The following RUNDC3B variants were observed in gnomAD, a reference collection of about 807,000 sequenced individuals.
RUNDC3B encodes the protein RUN domain-containing protein 3B.
Under a neutral mutation model 58.4 loss-of-function variants are expected in RUNDC3B, and 33 were observed. The observed-to-expected ratio is 0.56, with a 90% CI of 0.43 to 0.75. The LOEUF (loss-of-function observed/expected upper bound fraction) is 0.75. Among genes scored for constraint, RUNDC3B ranks in the 30% least tolerant of loss-of-function variants. RUNDC3B has a pLI of 0.00. For synonymous variants in RUNDC3B, 193 were observed against 195.2 expected (o/e 0.99, Z 0.10); for missense variants, 501 against 535.7 (o/e 0.94, Z 0.64).
intron 8 of RUNDC3B, among the ~76,000 whole-genome samples, chr7:87,797,055 T>C (rs988121257): frequency 1.3e-5 from 2 of 152,196 alleles, no homozygotes; most frequent in Non-Finnish European, 2.9e-5. Context: ...AAAAGTAATA[T>C]TAGTTTATGT....
chr7:87,753,925 A>C lies in RUNDC3B; in HGVS notation c.629+12346A>C, dbSNP rs192738144. On this transcript the variant is annotated intron_variant, in intron 6 of 10. Transcript: ENST00000394654. The stretch of plus-strand genomic sequence containing the variant: ...CTGGTATCATGCAGTCAGTAAGAAG[A>C]ATTTACCAAGACAGTTATATGTATA... 1.8e-4 allele frequency among the ~76,000 whole-genome samples: 28 copies of C among 152,306 alleles called. No individual in the cohort carries two copies. In the East Asian group the frequency reaches 5.4e-3, roughly 29 times the overall value.
chr7:87,790,808 A>T (rs1237210148), intron 8 of RUNDC3B, among the ~76,000 whole-genome samples: 3 of 152,104 alleles, frequency 2.0e-5, no homozygotes, highest in African/African-American at 7.2e-5. Context: ...GACAAAAAAA[A>T]TAGAAAAAGA....
intron 4 of RUNDC3B, among the ~76,000 whole-genome samples, chr7:87,736,269 C>A (rs1266114479): frequency 6.6e-6 from 1 of 151,966 alleles, no homozygotes; most frequent in Non-Finnish European, 1.5e-5. Flanking sequence ...CTTCTGACTC[C>A]CACAAAAGGA....
intron 4 of RUNDC3B, among the ~76,000 whole-genome samples, chr7:87,715,122 A>C (rs1830440882): frequency 1.3e-5 from 2 of 148,848 alleles, no homozygotes; most frequent in South Asian, 4.2e-4. Flanking sequence ...CAGCAAATTC[A>C]ATGCAATAAC....
At chr7:87,690,198 AT>A (rs751715727) in intron 2 of RUNDC3B, among the ~76,000 whole-genome samples, 41 of 152,024 alleles carry the variant, frequency 2.7e-4, no homozygotes, top group Non-Finnish European at 5.0e-4. Context: ...AATTTAAAAT[AT>A]TTTTATTACT....
intron 4 of RUNDC3B, among the ~76,000 whole-genome samples, chr7:87,720,889 C>T (rs1402243027): frequency 3.3e-4 from 1 of 3,072 alleles, no homozygotes; most frequent in Admixed American, 2.6e-3. Context: ...CGTGAGCCCT[C>T]GTGTTTGGAC....
At chr7:87,712,464 A>C (rs887481219) in intron 4 of RUNDC3B, among the ~76,000 whole-genome samples, 6 of 152,096 alleles carry the variant, frequency 3.9e-5, no homozygotes, top group East Asian at 1.9e-4. Flanking sequence ...AATCAAAATC[A>C]AGTTTGCATA....
intron 6 of RUNDC3B, among the ~76,000 whole-genome samples, chr7:87,753,795 C>T (rs1833180284): frequency 1.3e-5 from 2 of 152,176 alleles, no homozygotes; most frequent in South Asian, 4.1e-4. Flanking sequence ...ATGCTAGTCT[C>T]CATAGCTGTT....
intron 1 of RUNDC3B, among the ~76,000 whole-genome samples, chr7:87,648,004 G>A (rs1823190435): frequency 6.6e-6 from 1 of 151,846 alleles, no homozygotes. Context: ...CTAACATGGT[G>A]AAACCCCGCC....
intron 2 of RUNDC3B, among the ~76,000 whole-genome samples, chr7:87,657,292 C>T (rs1309054915): frequency 6.6e-6 from 1 of 152,072 alleles, no homozygotes; most frequent in Non-Finnish European, 1.5e-5. Context: ...AAAAAAACAA[C>T]AACAATGAAA....
chr7:87,729,809 AAG>A (rs1254902690), intron 4 of RUNDC3B, among the ~76,000 whole-genome samples: 1 of 152,156 alleles, frequency 6.6e-6, no homozygotes, highest in Admixed American at 6.5e-5. Flanking sequence ...GCAGCTCTGG[AAG>A]AGACTCCTTC....
intron 7 of RUNDC3B, among the ~76,000 whole-genome samples, chr7:87,773,631 G>C (rs1396778209): frequency 7.0e-6 from 1 of 142,522 alleles, no homozygotes; most frequent in Non-Finnish European, 1.5e-5. Flanking sequence ...AGTTATTTTT[G>C]TTTGGTTTGT....
intron 9 of RUNDC3B, among the ~76,000 whole-genome samples, chr7:87,813,304 A>T (rs1397918471): frequency 6.6e-6 from 1 of 152,158 alleles, no homozygotes; most frequent in Non-Finnish European, 1.5e-5. Flanking sequence ...TCACGCAGAA[A>T]GCTCATTTCA....
chr7:87,706,340 G>A (rs1829584032), intron 3 of RUNDC3B, among the ~76,000 whole-genome samples: 1 of 152,138 alleles, frequency 6.6e-6, no homozygotes, highest in South Asian at 2.1e-4. Context: ...TATAAGATCA[G>A]CTTGGTGCTG....
intron 7 of RUNDC3B, among the ~76,000 whole-genome samples, chr7:87,771,671 C>A (rs540879101): frequency 6.6e-6 from 1 of 152,248 alleles, no homozygotes; most frequent in African/African-American, 2.4e-5. Flanking sequence ...GAACTGTAGG[C>A]CCCAGGGATG....
intron 8 of RUNDC3B, among the ~76,000 whole-genome samples, chr7:87,803,422 C>A (rs1836274286): frequency 6.6e-6 from 1 of 152,080 alleles, no homozygotes; most frequent in Non-Finnish European, 1.5e-5. Context: ...CATGAAATAG[C>A]CAATTGATAA....
intron 3 of RUNDC3B, among the ~76,000 whole-genome samples, chr7:87,706,764 A>C (rs965094076): frequency 1.3e-5 from 2 of 152,170 alleles, no homozygotes; most frequent in Non-Finnish European, 2.9e-5. Flanking sequence ...ACTGCCACTG[A>C]ACAACAGACA....
intron 2 of RUNDC3B, among the ~76,000 whole-genome samples, chr7:87,689,444 C>T (rs1827806819): frequency 6.6e-6 from 1 of 151,936 alleles, no homozygotes; most frequent in African/African-American, 2.4e-5. Flanking sequence ...TGGAAAATTG[C>T]TTTCTTTATT....
At chr7:87,808,866 CTT>C (rs1836568692) in intron 9 of RUNDC3B, among the ~76,000 whole-genome samples, 1 of 151,874 alleles carries the variant, frequency 6.6e-6, no homozygotes, top group African/African-American at 2.4e-5. Flanking sequence ...GTACACTTAC[CTT>C]ATCTATATAT....
Sources: gnomAD v4.1 joint callset for allele counts (sites outside exome capture counted in the v4.1 genomes callset) on GRCh38, gnomAD v4.1.1 for gene constraint, MANE v1.5 for transcripts, NCBI Gene and HGNC (gene_info 2026-07-23, HGNC 2026-07-21) for gene names.